The following MAGI3 variants were observed in gnomAD, a reference collection of about 807,000 sequenced individuals.
The protein encoded by MAGI3 is membrane-associated guanylate kinase, WW and PDZ domain-containing protein 3.
A neutral mutation model predicts 121.8 loss-of-function variants in MAGI3; 43 were observed. The observed-to-expected ratio is 0.35, with a 90% CI of 0.28 to 0.46. MAGI3 has a LOEUF of 0.46. Ranked by LOEUF, MAGI3 falls within the 20% of genes least tolerant of loss-of-function variation. MAGI3 has a pLI of 1.00. For synonymous variants in MAGI3, 553 were observed against 639.3 expected, an observed-to-expected ratio of 0.86 and a Z score of 2.04; for missense variants, 1,547 against 1,797.3, an observed-to-expected ratio of 0.86 and a Z score of 2.52.
At chr1:113,661,860 A>G (rs1282125373) in intron 16 of MAGI3, among the ~76,000 whole-genome samples, 1 of 152,160 alleles carries the variant, frequency 6.6e-6, no homozygotes, top group African/African-American at 2.4e-5. Flanking sequence ...ACACTATTTT[A>G]TTATGCTCTA....
At chr1:113,432,566 A>C (rs1014275699) in intron 1 of MAGI3, among the ~76,000 whole-genome samples, 1 of 151,774 alleles carries the variant, frequency 6.6e-6, no homozygotes, top group Non-Finnish European at 1.5e-5. Context: ...TTGGGTCTTT[A>C]TATGTTTCCG....
chr1:113,528,185 A>G (rs1322230344), intron 1 of MAGI3, among the ~76,000 whole-genome samples: 1 of 151,888 alleles, frequency 6.6e-6, no homozygotes, highest in Non-Finnish European at 1.5e-5. Context: ...AATATTTTTT[A>G]TGGCTTTTTT....
chr1:113,558,509 A>G (rs1472580030), intron 2 of MAGI3, among the ~76,000 whole-genome samples: 1 of 152,206 alleles, frequency 6.6e-6, no homozygotes, highest in African/African-American at 2.4e-5. Flanking sequence ...AAGAATAAAG[A>G]AAAAAGAATG....
intron 10 of MAGI3, among the ~76,000 whole-genome samples, chr1:113,643,272 A>T (rs1315856577): frequency 6.6e-6 from 1 of 152,252 alleles, no homozygotes. Flanking sequence ...ACTTTTCACT[A>T]TTGAGGCAAA....
intron 9 of MAGI3, among the ~76,000 whole-genome samples, chr1:113,627,879 T>G (rs1388317671): frequency 6.6e-6 from 1 of 152,096 alleles, no homozygotes; most frequent in Non-Finnish European, 1.5e-5. Flanking sequence ...AATGTCTTTT[T>G]CCAGTCCTTT....
At chr1:113,620,023 T>TA (rs1650724201) in intron 8 of MAGI3, among the ~76,000 whole-genome samples, 193 bp downstream of exon 8, 1 of 152,156 alleles carries the variant, frequency 6.6e-6, no homozygotes. Flanking sequence ...TTCTCAGGAG[T>TA]ATACAAAAAG....
At chr1:113,458,369 C>G (rs951351833) in intron 1 of MAGI3, among the ~76,000 whole-genome samples, 1 of 152,112 alleles carries the variant, frequency 6.6e-6, no homozygotes, top group Admixed American at 6.5e-5. Flanking sequence ...ATGGGCAACT[C>G]TTGAGATTGG....
intron 1 of MAGI3, among the ~76,000 whole-genome samples, chr1:113,457,162 G>A (rs929778906): frequency 1.3e-5 from 2 of 152,194 alleles, no homozygotes; most frequent in African/African-American, 4.8e-5. Context: ...CAGGGGAAGA[G>A]AAGGAGCCTG....
intron 8 of MAGI3, among the ~76,000 whole-genome samples, chr1:113,621,378 C>T (rs1337797599): frequency 1.3e-5 from 2 of 152,044 alleles, no homozygotes; most frequent in Non-Finnish European, 2.9e-5. Context: ...TTGGATTTGA[C>T]AGTAGGGAGG....
rs541843438 is a variant in MAGI3, at chr1:113,482,142, A to G, written c.317-67373A>G. Among the ~76,000 whole-genome samples, 6 of 152,240 alleles carry G rather than the reference A, an allele frequency of 3.9e-5. No individual in the cohort carries two copies. In the South Asian group the frequency reaches 1.0e-3, roughly 26 times the overall value. On this transcript the variant is annotated intron_variant, in intron 1 of 20. Coordinates refer to ENST00000307546, the MANE Select transcript of MAGI3 (RefSeq NM_001142782.2). ...AAACTGTGAGTTTTATCTAACTCACAGTATTCCAATTTTCTAATTATTTCC... is the reference window on the plus strand; with the variant it reads ...AAACTGTGAGTTTTATCTAACTCACGGTATTCCAATTTTCTAATTATTTCC...
rs888350609 is a variant in MAGI3, at chr1:113,450,449, A to G, written c.316+59100A>G. On this transcript the variant is annotated intron_variant, in intron 1 of 20. Coordinates refer to ENST00000307546, the MANE Select transcript of MAGI3 (RefSeq NM_001142782.2). Reference sequence around the variant, plus strand: ...ATGGTGTGGTCCTGGTTATAGTAGTAGAGGGGGCTATGGTGGTGGTGGACC... The same window carrying G: ...ATGGTGTGGTCCTGGTTATAGTAGTGGAGGGGGCTATGGTGGTGGTGGACC... The G allele has an allele frequency of 1.3e-5, 14 of 1,113,996 alleles. No homozygotes were observed. In the African/African-American group the frequency reaches 2.1e-4, roughly 17 times the overall value. 69.0% of individuals were successfully genotyped at this position (1,113,996 alleles called of 1,614,324 possible).
chr1:113,468,605 G>A (rs1353399851), intron 1 of MAGI3, among the ~76,000 whole-genome samples: 6 of 152,022 alleles, frequency 3.9e-5, no homozygotes, highest in East Asian at 1.9e-4. Flanking sequence ...GAGTTTTTCC[G>A]GTAGCATCTG....
At chr1:113,475,728 C>A (rs1391519961) in intron 1 of MAGI3, among the ~76,000 whole-genome samples, 1 of 152,130 alleles carries the variant, frequency 6.6e-6, no homozygotes, top group African/African-American at 2.4e-5. Context: ...GTATTAGGAT[C>A]ATGCTGGCCT....
chr1:113,635,230 C>T (rs1651925961), intron 9 of MAGI3, among the ~76,000 whole-genome samples: 1 of 152,200 alleles, frequency 6.6e-6, no homozygotes, highest in South Asian at 2.1e-4. Context: ...CCTTCTCCTG[C>T]CTAACTGCCC....
intron 3 of MAGI3, among the ~76,000 whole-genome samples, chr1:113,583,783 C>T (rs1648190902): frequency 7.0e-6 from 1 of 142,244 alleles, no homozygotes; most frequent in African/African-American, 2.6e-5. Context: ...TCATACAAAT[C>T]TTTGCATCCA....
intron 1 of MAGI3, among the ~76,000 whole-genome samples, chr1:113,525,860 G>C (rs1431134905): frequency 6.6e-6 from 1 of 151,994 alleles, no homozygotes; most frequent in African/African-American, 2.4e-5. Context: ...AAATTAGCTG[G>C]ATGTGGTGGC....
Position 113,642,419 on chromosome 1 carries a change from C to A in MAGI3, c.1869C>A (p.Tyr623Ter). 1 of 1,614,088 alleles carries A rather than the reference C, an allele frequency of 6.2e-7. No homozygotes were observed. Among genetic ancestry groups the A allele is most frequent in the Non-Finnish European group, 8.5e-7 (1 of 1,180,010 alleles). Residue 623 changes from tyrosine to a stop codon, truncating the protein, a stop_gained, in exon 10 of 21, where the codon TAC becomes TAA. Transcript: ENST00000307546. LOFTEE classifies it high-confidence loss of function. ...LQKGDIIKEI[Y>*]HQNVQNLTHL... ...AAGGAGATATAATTAAGGAAATATA[C>A]CATCAAAATGTGCAGAATTTAACAC...
At chr1:113,622,543 T>C (rs974286464) in intron 8 of MAGI3, among the ~76,000 whole-genome samples, 2 of 152,184 alleles carry the variant, frequency 1.3e-5, no homozygotes, top group Admixed American at 1.3e-4. Context: ...CTTCCTGGTA[T>C]AGTACTTTGC....
At chr1:113,531,465 T>C (rs185762423) in intron 1 of MAGI3, among the ~76,000 whole-genome samples, 254 of 152,254 alleles carry the variant, frequency 1.7e-3, no homozygotes, top group African/African-American at 5.9e-3. Flanking sequence ...TGCCACTGTA[T>C]CCACTAGCAA....
Sources: gnomAD v4.1 joint callset for allele counts (sites outside exome capture counted in the v4.1 genomes callset) on GRCh38, gnomAD v4.1.1 for gene constraint, MANE v1.5 for transcripts, NCBI Gene and HGNC (gene_info 2026-07-23, HGNC 2026-07-21) for gene names.